The following DNAAF11 variants were observed in gnomAD, a reference collection of about 807,000 sequenced individuals.
DNAAF11 encodes the protein leucine rich repeat containing 6.
In DNAAF11, 45 loss-of-function variants were observed where a neutral mutation model predicts 60.8. That is an observed-to-expected ratio of 0.74 (90% CI 0.58 to 0.95). DNAAF11 has a LOEUF of 0.95. Among genes scored for constraint, DNAAF11 ranks in the 40% least tolerant of loss-of-function variants. The pLI is 0.00. For missense variants in DNAAF11, 546 were observed against 546.2 expected, an observed-to-expected ratio of 1.00 and a Z score of 0.00; for synonymous variants, 191 against 183.5, an observed-to-expected ratio of 1.04 and a Z score of -0.33.
rs1381675903 is a variant in DNAAF11, at chr8:132,610,247, G to A, written c.1059C>T (p.Val353=). The change falls in exon 10 of 12, where the codon GTC becomes GTT. Residue 353 remains valine (V), a synonymous_variant. Transcript: ENST00000620350. Reference sequence around the variant, plus strand: ...TATCGGGTTTCACTTCTGCAGGAAGGACAAGCTGAAATGGCTGAAAATAAG... The same window carrying A: ...TATCGGGTTTCACTTCTGCAGGAAGAACAAGCTGAAATGGCTGAAAATAAG... ...VMIKGKPFQL[V]LPAEVKPDSS... is the part of the protein sequence containing the mutation. The A allele has an allele frequency of 8.7e-6, 14 of 1,613,036 alleles. No homozygotes were observed. Among genetic ancestry groups the A allele is most frequent in the Non-Finnish European group, 1.2e-5 (14 of 1,179,202 alleles).
the DNAAF11 span, among the ~76,000 whole-genome samples, chr8:132,684,227 T>G: frequency 6.6e-6 from 1 of 152,182 alleles, no homozygotes; most frequent in South Asian, 2.1e-4. Flanking sequence ...CTCACAGAAC[T>G]TCCTGGAAGT....
chr8:132,591,255 T>G (rs1409419955), intron 10 of DNAAF11, among the ~76,000 whole-genome samples: 1 of 152,096 alleles, frequency 6.6e-6, no homozygotes, highest in Admixed American at 6.6e-5. Flanking sequence ...AAAAAACTTT[T>G]TTTTTAAATA....
intron 1 of DNAAF11, among the ~76,000 whole-genome samples, chr8:132,663,506 C>A (rs1586732900): frequency 6.6e-6 from 1 of 152,214 alleles, no homozygotes; most frequent in Non-Finnish European, 1.5e-5. Flanking sequence ...TGAGATTGCA[C>A]AACCTTGTTA....
intron 11 of DNAAF11, among the ~76,000 whole-genome samples, chr8:132,576,303 G>A (rs984010706): frequency 2.6e-5 from 4 of 152,112 alleles, no homozygotes; most frequent in Non-Finnish European, 5.9e-5. Context: ...CATTCAATAA[G>A]TGTTTACTGA....
intron 1 of DNAAF11, among the ~76,000 whole-genome samples, chr8:132,663,882 AG>A (rs1304082817): frequency 3.3e-5 from 5 of 152,186 alleles, no homozygotes; most frequent in Non-Finnish European, 5.9e-5. Flanking sequence ...TTTGTCAGGG[AG>A]GTGGATGGCA....
intron 10 of DNAAF11, among the ~76,000 whole-genome samples, chr8:132,599,682 T>C (rs927371052): frequency 6.6e-6 from 1 of 152,194 alleles, no homozygotes. Context: ...ACCACAGGAT[T>C]ATCTCAATAG....
At chr8:132,579,469 C>A (rs147949435) in intron 11 of DNAAF11, among the ~76,000 whole-genome samples, 9 of 152,230 alleles carry the variant, frequency 5.9e-5, no homozygotes, top group Non-Finnish European at 1.3e-4. Context: ...AGATTGTATA[C>A]CCCTGGACCA....
the DNAAF11 span, among the ~76,000 whole-genome samples, chr8:132,690,703 T>C: frequency 1.1e-4 from 16 of 152,338 alleles, no homozygotes; most frequent in African/African-American, 3.4e-4. Context: ...CTCCTTAGGC[T>C]CCTCTTCGCC....
chr8:132,645,573 G>A (rs1000323130), intron 3 of DNAAF11, among the ~76,000 whole-genome samples: 22 of 152,062 alleles, frequency 1.4e-4, no homozygotes, highest in Middle Eastern at 3.4e-3. Context: ...TGAACCTATC[G>A]CAAAGAAGCT....
chr8:132,599,830 C>G (rs1030690677), intron 10 of DNAAF11, among the ~76,000 whole-genome samples: 6 of 152,106 alleles, frequency 3.9e-5, no homozygotes, highest in Admixed American at 6.5e-5. Flanking sequence ...ACTGAATGGG[C>G]AAAAACTGGA....
At chr8:132,649,578 G>A (rs986243412) in intron 3 of DNAAF11, among the ~76,000 whole-genome samples, 2 of 152,038 alleles carry the variant, frequency 1.3e-5, no homozygotes, top group Non-Finnish European at 2.9e-5. Flanking sequence ...GAGTGAACAG[G>A]CAACCTACAA....
chr8:132,640,197 C>G (rs572046120), intron 3 of DNAAF11, among the ~76,000 whole-genome samples: 1 of 152,172 alleles, frequency 6.6e-6, no homozygotes. Context: ...TTGGTAACAG[C>G]GATACTACTC....
intron 1 of DNAAF11, among the ~76,000 whole-genome samples, chr8:132,674,998 G>A (rs1406076109): frequency 6.6e-6 from 1 of 152,184 alleles, no homozygotes; most frequent in Non-Finnish European, 1.5e-5. Context: ...GAAGTCACTC[G>A]CTCAAAGTCA....
intron 6 of DNAAF11, among the ~76,000 whole-genome samples, chr8:132,624,404 C>G (rs1471025427): frequency 2.0e-5 from 3 of 152,180 alleles, no homozygotes; most frequent in African/African-American, 7.2e-5. Flanking sequence ...TCCCAAAGGA[C>G]TGTGTAGTCC....
chr8:132,653,788 A>G (rs932298632), intron 3 of DNAAF11, among the ~76,000 whole-genome samples: 14 of 152,132 alleles, frequency 9.2e-5, no homozygotes, highest in Non-Finnish European at 1.6e-4. Context: ...GTAAAAGAAT[A>G]AGGGAATTAA....
chr8:132,659,380 TAA>T (rs1823903801), intron 2 of DNAAF11, among the ~76,000 whole-genome samples: 2 of 152,220 alleles, frequency 1.3e-5, no homozygotes, highest in African/African-American at 4.8e-5. Context: ...TATTAGGATT[TAA>T]AAGAGTGTTT....
intron 3 of DNAAF11, among the ~76,000 whole-genome samples, chr8:132,642,640 G>A (rs1341921990): frequency 6.6e-6 from 1 of 152,232 alleles, no homozygotes; most frequent in Non-Finnish European, 1.5e-5. Context: ...CAGTGAGAGA[G>A]AACAAAATCT....
the DNAAF11 span, among the ~76,000 whole-genome samples, chr8:132,700,922 A>T: frequency 1.3e-5 from 2 of 152,208 alleles, no homozygotes; most frequent in African/African-American, 4.8e-5. Flanking sequence ...CACATACTTG[A>T]TAATTTAAAA....
At chr8:132,610,539 T>C (rs769782070) in intron 9 of DNAAF11, among the ~76,000 whole-genome samples, 8 of 152,190 alleles carry the variant, frequency 5.3e-5, no homozygotes, top group Non-Finnish European at 8.8e-5. Flanking sequence ...CCATCAACAT[T>C]ATTTCCATTT....
Sources: gnomAD v4.1 joint callset for allele counts (sites outside exome capture counted in the v4.1 genomes callset) on GRCh38, gnomAD v4.1.1 for gene constraint, MANE v1.5 for transcripts, NCBI Gene and HGNC (gene_info 2026-07-23, HGNC 2026-07-21) for gene names.